The following GGA2 variants were observed in gnomAD, a reference collection of about 807,000 sequenced individuals.
GGA2 encodes golgi associated, gamma adaptin ear containing, ARF binding protein 2.
GGA2 carries 48 observed loss-of-function variants against 79.5 expected under a neutral mutation model. The ratio of observed to expected loss-of-function variants is 0.60; its 90% CI spans 0.48 to 0.77. The LOEUF (loss-of-function observed/expected upper bound fraction) is 0.77. Ranked by LOEUF, GGA2 falls within the 30% of genes least tolerant of loss-of-function variation. The pLI is 0.00. For missense variants in GGA2, 770 were observed against 774.0 expected, an observed-to-expected ratio of 0.99 and a Z score of 0.06; for synonymous variants, 317 against 302.0, an observed-to-expected ratio of 1.05 and a Z score of -0.51.
rs1386501816 is a variant in GGA2, at chr16:23,478,842, C to T, written c.1158+41G>A. The stretch of plus-strand genomic sequence containing the variant: ...TGCCTCACAAGGGCAGGTCTGAGAC[C>T]CTCCCATTCTCTCTCCGGGCCCTGG... On this transcript the variant is annotated intron_variant, in intron 12 of 16. Coordinates refer to ENST00000309859, the MANE Select transcript of GGA2 (RefSeq NM_015044.4). The T allele has an allele frequency of 2.7e-6, 4 of 1,456,400 alleles. No individual in the cohort carries two copies. In the East Asian group the frequency reaches 9.1e-5, roughly 33 times the overall value. 90.2% of individuals were successfully genotyped at this position (1,456,400 alleles called of 1,614,324 possible). A position where few individuals can be genotyped will look rare whatever the true frequency, so the allele number is the denominator to read the frequency against.
chr16:23,471,802 G>A (rs959542819), intron 14 of GGA2, among the ~76,000 whole-genome samples: 1 of 152,030 alleles, frequency 6.6e-6, no homozygotes, highest in African/African-American at 2.4e-5. Context: ...GCTACCTGGG[G>A]GTCTGAGGCA....
Position 23,465,428 on chromosome 16 carries a change from T to A in GGA2, c.*2162A>T, listed in dbSNP as rs1964423342. 2.8e-6 allele frequency: 2 copies of A among 702,810 alleles called. No homozygotes were observed. Among genetic ancestry groups the A allele is most frequent in the Non-Finnish European group, 5.2e-6 (2 of 384,816 alleles). The allele number at this position is 702,810 out of a possible 1,614,324, so 43.5% of individuals were successfully genotyped here. On this transcript the variant is annotated 3_prime_UTR_variant, in exon 17 of 17. Transcript: ENST00000309859. Reference sequence around the variant, plus strand: ...CTCCTCTCCTCCTACCCCTATCCTGTCCAACACCTAAGCATAGTAGTACCA... The same window carrying A: ...CTCCTCTCCTCCTACCCCTATCCTGACCAACACCTAAGCATAGTAGTACCA...
chr16:23,495,049 C>T (rs1964837180), intron 2 of GGA2, among the ~76,000 whole-genome samples: 1 of 151,414 alleles, frequency 6.6e-6, no homozygotes, highest in African/African-American at 2.4e-5. Context: ...CGTGCCCTTG[C>T]ACTCCAGTCT....
Position 23,470,305 on chromosome 16 carries a change from C to T in GGA2, c.1451-140G>A, listed in dbSNP as rs1319637493. On this transcript the variant is annotated intron_variant, in intron 14 of 16. Transcript: ENST00000309859. ...ATGTCCAGGACTGAATTCCTCTGCACTACCATAATCCAAGTCCTCATGACT... is the reference window on the plus strand; with the variant it reads ...ATGTCCAGGACTGAATTCCTCTGCATTACCATAATCCAAGTCCTCATGACT... The T allele has an allele frequency of 6.9e-6, 4 of 579,836 alleles. No individual in the cohort carries two copies. In the African/African-American group the frequency reaches 7.6e-5, roughly 11 times the overall value. 35.9% of individuals were successfully genotyped at this position (579,836 alleles called of 1,614,324 possible).
At chr16:23,488,434 T>C (rs1964742272) in intron 6 of GGA2, among the ~76,000 whole-genome samples, 172 bp downstream of exon 6, 1 of 152,142 alleles carries the variant, frequency 6.6e-6, no homozygotes, top group Non-Finnish European at 1.5e-5. Context: ...TTAGTTGACT[T>C]ATCCATGAAG....
At chr16:23,510,749 C>G (rs1440754501), upstream of GGA2, among the ~76,000 whole-genome samples, 1 of 152,260 alleles carries the variant, frequency 6.6e-6, no homozygotes, top group Non-Finnish European at 1.5e-5. Context: ...CTCTGTCACT[C>G]AGGCTGGAGT....
At position 23,488,693 on chromosome 16, in the gene GGA2, G is replaced by T. The variant is rs1596986746; in HGVS notation, c.492C>A (p.Asp164Glu). 6.3e-7 allele frequency: 1 copy of T among 1,591,718 alleles called. No individual in the cohort carries two copies. The highest frequency in any genetic ancestry group is 8.6e-7 in the Non-Finnish European group (1 of 1,160,340). Residue 164 changes from aspartate to glutamate, a missense_variant, in exon 6 of 17, where the codon GAC becomes GAA. Physicochemically the swap from Asp to Glu is conservative, Grantham distance 45. Transcript: ENST00000309859. The part of the protein sequence containing the change: ...MLKKQGIIKQ[D>E]PKLPVDKILP... ...AGATTTTATCCACTGGTAGTTTAGG[G>T]TCTTGTTTTATAATTCCTAAAAATG...
At chr16:23,487,860 A>G (rs1436705398) in intron 6 of GGA2, among the ~76,000 whole-genome samples, 1 of 152,090 alleles carries the variant, frequency 6.6e-6, no homozygotes, top group Non-Finnish European at 1.5e-5. Flanking sequence ...GGCAGAGCAT[A>G]CCACGCAGAA....
At chr16:23,493,835 G>A (rs1425797166) in intron 3 of GGA2, 1 of 298,948 alleles carries the variant, frequency 3.3e-6, no homozygotes, top group Non-Finnish European at 6.4e-6. Context: ...TGGCACTCAA[G>A]AGGCAAGCTG....
At chr16:23,489,192 C>G (rs1272295145) in intron 5 of GGA2, among the ~76,000 whole-genome samples, 1 of 152,192 alleles carries the variant, frequency 6.6e-6, no homozygotes, top group African/African-American at 2.4e-5. Flanking sequence ...ACTATCACCC[C>G]CATCGTGACA....
At chr16:23,468,146 C>CCCT (rs1964465017) in intron 16 of GGA2, among the ~76,000 whole-genome samples, 1 of 152,152 alleles carries the variant, frequency 6.6e-6, no homozygotes, top group African/African-American at 2.4e-5. Flanking sequence ...CTCCTTCCCT[C>CCCT]CCTCTCTCTC....
At position 23,510,403 on chromosome 16, in the gene GGA2, C is replaced by A. The variant is rs996193124; in HGVS notation, c.9G>T (p.Ala3=). Reference sequence around the variant, plus strand: ...CCGCCACAGCCGCCGCCACCGCGGTCGCCGCCATCGCTCCAGCCCCGACGC... The same window carrying A: ...CCGCCACAGCCGCCGCCACCGCGGTAGCCGCCATCGCTCCAGCCCCGACGC... The part of the protein sequence containing the change: MA[A]TAVAAAVAGT... The change falls in exon 1 of 17, where the codon GCG becomes GCT. Residue 3 remains alanine, a synonymous_variant. Transcript: ENST00000309859. 3 of 1,363,808 alleles carry A rather than the reference C, an allele frequency of 2.2e-6. No individual in the cohort carries two copies. The Admixed American group carries it at 8.9e-5, about 40-fold the overall frequency. 84.5% of individuals were successfully genotyped at this position (1,363,808 alleles called of 1,614,324 possible). A position where few individuals can be genotyped will look rare whatever the true frequency, so the allele number is the denominator to read the frequency against.
At chr16:23,494,934 A>T (rs1207227508) in intron 2 of GGA2, among the ~76,000 whole-genome samples, 1 of 151,714 alleles carries the variant, frequency 6.6e-6, no homozygotes, top group Non-Finnish European at 1.5e-5. Context: ...AAATACAAAA[A>T]ATTAGCCAGG....
intron 3 of GGA2, chr16:23,493,767 C>G (rs1221241580): frequency 2.9e-6 from 1 of 347,306 alleles, no homozygotes; most frequent in Non-Finnish European, 5.4e-6. Context: ...AGAACCAACC[C>G]CTCCCCAGAG....
upstream of GGA2, chr16:23,523,685 C>G (rs930697705): frequency 1.3e-5 from 2 of 152,248 alleles, no homozygotes; most frequent in Non-Finnish European, 2.9e-5. Context: ...CCCCTAAATT[C>G]TTACGTTGAG....
Position 23,483,015 on chromosome 16 carries a change from A to C in GGA2, c.799-11T>G. 6.3e-7 allele frequency: 1 copy of C among 1,598,608 alleles called. No individual in the cohort carries two copies. On this transcript the variant is annotated splice_polypyrimidine_tract_variant and intron_variant, in intron 8 of 16. Transcript: ENST00000309859. ...CCTCTCATACACGACCTGAAAGAGC[A>C]GAGCTTGGTTCATGACACACGCCCA...
chr16:23,476,230 G>A (rs1014766056), intron 13 of GGA2, among the ~76,000 whole-genome samples: 1 of 152,148 alleles, frequency 6.6e-6, no homozygotes, highest in African/African-American at 2.4e-5. Context: ...CTGCCCGAGT[G>A]GCTGAAAAAA....
chr16:23,495,844 C>T (rs534438901), intron 1 of GGA2, 66 bp from the exon 2 acceptor site: 14 of 968,920 alleles, frequency 1.4e-5, no homozygotes, highest in African/African-American at 1.6e-5. Context: ...TCCCCATACA[C>T]ATGGTGGCCA....
rs553782048 is a variant in GGA2, at chr16:23,498,712, T to A, written c.92-2934A>T. Among the ~76,000 whole-genome samples, 8 of 152,324 alleles carry A rather than the reference T, an allele frequency of 5.3e-5. No individual in the cohort carries two copies. In the East Asian group the frequency reaches 1.3e-3, roughly 26 times the overall value. Reference sequence around the variant, plus strand: ...GATAATTGTTTATTATTACGTACAGTCTCTGGCTTTTACTGTAATATGTAG... The same window carrying A: ...GATAATTGTTTATTATTACGTACAGACTCTGGCTTTTACTGTAATATGTAG... On this transcript the variant is annotated intron_variant, in intron 1 of 16. Coordinates refer to ENST00000309859, the MANE Select transcript of GGA2 (RefSeq NM_015044.4).
Sources: allele counts gnomAD v4.1 joint callset (sites outside exome capture counted in the v4.1 genomes callset), GRCh38; gene constraint gnomAD v4.1.1; transcripts MANE v1.5; gene names NCBI Gene and HGNC (gene_info 2026-07-23, HGNC 2026-07-21).